SLC9D1: variants seen among roughly 807,000 people sequenced by gnomAD.
The protein encoded by SLC9D1 is solute carrier family 9 member D1, also known as putative LAG1-interacting protein.
chr13:113,522,946 T>C, the SLC9D1 span, among the ~76,000 whole-genome samples: 1 of 152,180 alleles, frequency 6.6e-6, no homozygotes, highest in Non-Finnish European at 1.5e-5. Context: ...TTTAGCTAGT[T>C]GACATGATGG....
chr13:113,506,289 T>TG, the SLC9D1 span, among the ~76,000 whole-genome samples: 1,350 of 78,914 alleles, frequency 0.017, 74 homozygotes, highest in East Asian at 0.094. Flanking sequence ...GTGGGCCGCG[T>TG]GCTGCCTGGC....
At chr13:113,510,670 G>A in the SLC9D1 span, among the ~76,000 whole-genome samples, 1 of 152,172 alleles carries the variant, frequency 6.6e-6, no homozygotes, top group Non-Finnish European at 1.5e-5. Flanking sequence ...TTGATTGAGG[G>A]CCAGAGAGAA....
chr13:113,539,513 C>A, the SLC9D1 span: 1 of 1,610,864 alleles, frequency 6.2e-7, no homozygotes, highest in Non-Finnish European at 8.5e-7. The surrounding 1 kb of genome is among the most constrained non-coding windows in gnomAD (Gnocchi z 4.8). Context: ...CATAGGTAAT[C>A]TTCCTTCTTT....
At chr13:113,547,433 T>A in the SLC9D1 span, 5 of 1,398,624 alleles carry the variant, frequency 3.6e-6, no homozygotes, top group South Asian at 4.6e-5. Flanking sequence ...AGCATAGCCC[T>A]CCCTGTGGCC....
the SLC9D1 span, among the ~76,000 whole-genome samples, chr13:113,518,145 G>A: frequency 6.6e-6 from 1 of 152,214 alleles, no homozygotes; most frequent in African/African-American, 2.4e-5. Flanking sequence ...AATAGTGAAA[G>A]TGTTGAGAAA....
the SLC9D1 span, among the ~76,000 whole-genome samples, chr13:113,543,866 T>C: frequency 1.3e-5 from 2 of 152,140 alleles, no homozygotes; most frequent in African/African-American, 4.8e-5. Flanking sequence ...TCATTCTACG[T>C]GTTTTTGCTC....
chr13:113,541,294 T>C, the SLC9D1 span, among the ~76,000 whole-genome samples: 832 of 150,948 alleles, frequency 5.5e-3, 5 homozygotes, highest in African/African-American at 0.015. Flanking sequence ...ACACGATTGC[T>C]GATCACTGCC....
the SLC9D1 span, chr13:113,495,922 T>C: frequency 6.2e-7 from 1 of 1,614,106 alleles, no homozygotes; most frequent in Non-Finnish European, 8.5e-7. Context: ...TTCCAAGCTG[T>C]CTACGGACTG....
the SLC9D1 span, chr13:113,529,419 G>C: frequency 2.6e-5 from 4 of 152,058 alleles, no homozygotes; most frequent in South Asian, 2.1e-4. Flanking sequence ...GGGAGGCTGA[G>C]GGGGGCGGAT....
the SLC9D1 span, chr13:113,503,539 T>C: frequency 6.2e-7 from 1 of 1,614,040 alleles, no homozygotes; most frequent in Non-Finnish European, 8.5e-7. Flanking sequence ...GGGGTGTTTT[T>C]TACTCTTTTT....
At chr13:113,546,836 A>G in the SLC9D1 span, among the ~76,000 whole-genome samples, 1 of 152,204 alleles carries the variant, frequency 6.6e-6, no homozygotes. The surrounding 1 kb of genome is among the most constrained non-coding windows in gnomAD (Gnocchi z 7.1). Context: ...ATGTGGAGAC[A>G]ACGTTTCCCA....
At chr13:113,507,424 C>T in the SLC9D1 span, among the ~76,000 whole-genome samples, 11 of 152,308 alleles carry the variant, frequency 7.2e-5, no homozygotes, top group South Asian at 4.2e-4. Flanking sequence ...CCTCCTGCCA[C>T]GTGGGTTAGC....
the SLC9D1 span, among the ~76,000 whole-genome samples, chr13:113,538,329 CCTCTGA>C: frequency 1.3e-5 from 2 of 152,086 alleles, no homozygotes; most frequent in African/African-American, 4.8e-5. Flanking sequence ...TGCACATGCC[CCTCTGA>C]CTCTGCCCAC....
the SLC9D1 span, chr13:113,520,668 G>A: frequency 7.4e-6 from 12 of 1,613,970 alleles, no homozygotes; most frequent in South Asian, 1.2e-4. Flanking sequence ...CGCAGGACGT[G>A]CAGCTCGGGC....
chr13:113,535,715 T>A, the SLC9D1 span, among the ~76,000 whole-genome samples: 1 of 151,930 alleles, frequency 6.6e-6, no homozygotes, highest in African/African-American at 2.4e-5. The surrounding 1 kb of genome is among the most constrained non-coding windows in gnomAD (Gnocchi z 4.1). Context: ...GTCACATTTA[T>A]GAGGCGAGAA....
At chr13:113,519,167 C>T in the SLC9D1 span, among the ~76,000 whole-genome samples, 1 of 151,948 alleles carries the variant, frequency 6.6e-6, no homozygotes, top group Admixed American at 6.5e-5. Context: ...CCTCAGCCTC[C>T]CAAGTAGCTG....
At chr13:113,504,485 A>G in the SLC9D1 span, 3 of 152,118 alleles carry the variant, frequency 2.0e-5, no homozygotes, top group African/African-American at 7.2e-5. Context: ...ATCCCTCGCC[A>G]CCCACCACCC....
the SLC9D1 span, among the ~76,000 whole-genome samples, chr13:113,540,389 G>A: frequency 6.6e-6 from 1 of 152,142 alleles, no homozygotes; most frequent in Non-Finnish European, 1.5e-5. Context: ...CCACAACCTC[G>A]CCAGCGTCTG....
chr13:113,522,184 T>A, the SLC9D1 span, among the ~76,000 whole-genome samples: 7 of 152,230 alleles, frequency 4.6e-5, no homozygotes, highest in Admixed American at 1.3e-4. Context: ...AGGTATGATG[T>A]TAGCTGTAGG....
Sources: gnomAD v4.1 joint callset for allele counts (sites outside exome capture counted in the v4.1 genomes callset) on GRCh38, gnomAD v4.1.1 for gene constraint, Gnocchi (gnomAD v3.1) non-coding constraint, MANE v1.5 for transcripts, NCBI Gene and HGNC (gene_info 2026-07-23, HGNC 2026-07-21) for gene names.